The following CELF2 variants were observed in gnomAD, a reference collection of about 807,000 sequenced individuals.
CELF2 encodes CUGBP Elav-like family member 2.
Under a neutral mutation model 62.6 loss-of-function variants are expected in CELF2, and 8 were observed. That is an observed-to-expected ratio of 0.13 (90% CI 0.07 to 0.23). The LOEUF (loss-of-function observed/expected upper bound fraction) is 0.23. Among genes scored for constraint, CELF2 ranks in the 10% least tolerant of loss-of-function variants. The pLI, the probability that CELF2 is intolerant of heterozygous loss-of-function variation, is 1.00. For synonymous variants in CELF2, 258 were observed against 250.0 expected, an observed-to-expected ratio of 1.03 and a Z score of -0.30; for missense variants, 333 against 671.0, an observed-to-expected ratio of 0.50 and a Z score of 5.56.
At chr10:10,915,680 C>G (rs540241842) in intron 1 of CELF2, among the ~76,000 whole-genome samples, 1 of 152,336 alleles carries the variant, frequency 6.6e-6, no homozygotes, top group African/African-American at 2.4e-5. Flanking sequence ...AGCGATCCTC[C>G]TACCTCAGCC....
chr10:11,292,613 G>C (rs980417771), intron 9 of CELF2, among the ~76,000 whole-genome samples: 31 of 152,216 alleles, frequency 2.0e-4, no homozygotes, highest in African/African-American at 7.2e-4. Flanking sequence ...GTGGTGACAT[G>C]CACGAGGCAG....
At chr10:10,630,085 A>G in the CELF2 span, among the ~76,000 whole-genome samples, 2 of 151,992 alleles carry the variant, frequency 1.3e-5, no homozygotes, top group East Asian at 3.9e-4. Flanking sequence ...TTTGTTTGTT[A>G]TTTTTTTCTC....
chr10:10,584,702 C>G, the CELF2 span, among the ~76,000 whole-genome samples: 1 of 152,186 alleles, frequency 6.6e-6, no homozygotes, highest in Non-Finnish European at 1.5e-5. Context: ...ATTGGAACCA[C>G]TGTCTTTAAC....
At chr10:11,257,167 T>G (rs2137803109) in intron 4 of CELF2, among the ~76,000 whole-genome samples, 1 of 152,066 alleles carries the variant, frequency 6.6e-6, no homozygotes, top group East Asian at 1.9e-4. Flanking sequence ...CTCTGATCTC[T>G]TATTCTTGTC....
intron 1 of CELF2, among the ~76,000 whole-genome samples, chr10:10,819,815 T>G (rs2056806157): frequency 6.6e-6 from 1 of 152,178 alleles, no homozygotes; most frequent in African/African-American, 2.4e-5. Flanking sequence ...TTCCCACCCA[T>G]TGTCAACTGT....
chr10:10,754,380 G>A, the CELF2 span, among the ~76,000 whole-genome samples: 20 of 151,994 alleles, frequency 1.3e-4, no homozygotes, highest in Admixed American at 3.3e-4. Flanking sequence ...TCAAACTTCC[G>A]GACTTGAGCA....
intron 1 of CELF2, among the ~76,000 whole-genome samples, chr10:10,800,822 A>G (rs1180035300): frequency 6.6e-6 from 1 of 152,148 alleles, no homozygotes; most frequent in Non-Finnish European, 1.5e-5. Context: ...AAATGTTCTT[A>G]GGATACATCT....
At chr10:10,814,512 A>G (rs2131815749) in intron 1 of CELF2, among the ~76,000 whole-genome samples, 1 of 152,336 alleles carries the variant, frequency 6.6e-6, no homozygotes, top group Middle Eastern at 3.4e-3. Context: ...CAACCACAGC[A>G]GCGCCGTAGT....
intron 2 of CELF2, among the ~76,000 whole-genome samples, chr10:11,176,348 C>T (rs1469544714): frequency 8.5e-5 from 13 of 152,140 alleles, no homozygotes; most frequent in Non-Finnish European, 1.6e-4. Context: ...TTGCATCAAG[C>T]GGGTCCTCGT....
the CELF2 span, among the ~76,000 whole-genome samples, chr10:10,568,545 G>A: frequency 1.9e-4 from 29 of 152,108 alleles, no homozygotes; most frequent in Non-Finnish European, 4.0e-4. Context: ...CTCACCCTTC[G>A]TTTAGAGGAG....
chr10:10,741,361 A>G, the CELF2 span, among the ~76,000 whole-genome samples: 1 of 152,026 alleles, frequency 6.6e-6, no homozygotes, highest in East Asian at 1.9e-4. Flanking sequence ...AAATACAAAA[A>G]TTAGCTGGGC....
intron 3 of CELF2, among the ~76,000 whole-genome samples, chr10:11,226,422 C>T (rs2066555661): frequency 6.6e-6 from 1 of 152,224 alleles, no homozygotes; most frequent in African/African-American, 2.4e-5. Flanking sequence ...AGAAGGACCA[C>T]ATTTGCCCCT....
At chr10:11,201,235 T>TG (rs1326689312) in intron 2 of CELF2, among the ~76,000 whole-genome samples, 27 of 152,204 alleles carry the variant, frequency 1.8e-4, no homozygotes, top group Non-Finnish European at 1.0e-4. Flanking sequence ...CTTGTGTGTG[T>TG]TTTTTAATCT....
At chr10:11,180,001 C>G (rs1194009364) in intron 2 of CELF2, among the ~76,000 whole-genome samples, 1 of 152,142 alleles carries the variant, frequency 6.6e-6, no homozygotes, top group Non-Finnish European at 1.5e-5. Flanking sequence ...TCAGCAGCCC[C>G]AAATATATAA....
At chr10:11,119,504 C>T (rs2057279646) in intron 1 of CELF2, among the ~76,000 whole-genome samples, 1 of 152,144 alleles carries the variant, frequency 6.6e-6, no homozygotes, top group Admixed American at 6.5e-5. Flanking sequence ...CATAGGCTTA[C>T]CCATTAATAA....
chr10:11,092,233 T>C (rs2048516151), intron 1 of CELF2: 4 of 152,216 alleles, frequency 2.6e-5, no homozygotes, highest in Admixed American at 2.0e-4. Context: ...CATCACACAG[T>C]GTTTGCTTCT....
chr10:11,007,878 A>G (rs2055581329), intron 1 of CELF2, among the ~76,000 whole-genome samples: 1 of 152,178 alleles, frequency 6.6e-6, no homozygotes. Flanking sequence ...GCAGTTATTT[A>G]TCTGTGATCT....
the CELF2 span, among the ~76,000 whole-genome samples, chr10:10,571,539 G>A: frequency 1.5e-4 from 23 of 149,554 alleles, no homozygotes; most frequent in East Asian, 4.9e-3. Context: ...TTTGGTGACA[G>A]TTTGTACCAA....
the CELF2 span, among the ~76,000 whole-genome samples, chr10:10,694,995 G>A: frequency 4.6e-5 from 7 of 150,870 alleles, no homozygotes; most frequent in Non-Finnish European, 1.0e-4. Flanking sequence ...TTTAATTGGA[G>A]AATTTAGTCC....
Sources: allele counts gnomAD v4.1 joint callset (sites outside exome capture counted in the v4.1 genomes callset), GRCh38; gene constraint gnomAD v4.1.1; transcripts MANE v1.5; gene names NCBI Gene and HGNC (gene_info 2026-07-23, HGNC 2026-07-21).